The following MLH3 variants were observed in gnomAD, a reference collection of about 807,000 sequenced individuals.
The protein encoded by MLH3 is mutL homolog 3, also known as DNA mismatch repair protein Mlh3.
In MLH3, 82 loss-of-function variants were observed where a neutral mutation model predicts 122.2. The ratio of observed to expected loss-of-function variants is 0.67; its 90% CI spans 0.56 to 0.81. The LOEUF is 0.81. Ranked by LOEUF, MLH3 falls within the 30% of genes least tolerant of loss-of-function variation. The probability of loss-of-function intolerance (pLI) is 0.00; values close to 1 mark genes in which losing one functional copy is unlikely to be tolerated. For missense variants in MLH3, 1,539 were observed against 1,714.5 expected (o/e 0.90, Z 1.81); for synonymous variants, 524 against 599.5 (o/e 0.87, Z 1.84).
chr14:75,024,086 T>C (rs971795528), intron 9 of MLH3, among the ~76,000 whole-genome samples: 6 of 152,228 alleles, frequency 3.9e-5, no homozygotes, highest in Non-Finnish European at 8.8e-5. Flanking sequence ...AACATCTGTT[T>C]GTAAGCTTAG....
chr14:75,032,251 G>T (rs765970085), intron 7 of MLH3, 72 bp from the exon 8 acceptor site: 3 of 891,746 alleles, frequency 3.4e-6, no homozygotes, highest in South Asian at 1.3e-5. Flanking sequence ...AATAAAGCAC[G>T]GCCTTGAGAT....
At chr14:75,031,302 T>C (rs1891032390) in intron 8 of MLH3, among the ~76,000 whole-genome samples, 1 of 152,232 alleles carries the variant, frequency 6.6e-6, no homozygotes, top group African/African-American at 2.4e-5. Context: ...TACATCCCAA[T>C]GTTTTACTTT....
In MLH3 at chr14:75,048,831, T is replaced by G. The variant is rs1040135404; in HGVS notation, c.825A>C (p.Glu275Asp). Residue 275 changes from glutamate (E) to aspartate (D), a missense_variant, in exon 2 of 13, where the codon GAA (glutamate) becomes GAC (aspartate). Coordinates refer to ENST00000355774, the MANE Select transcript of MLH3 (RefSeq NM_001040108.2). ...HKLIDFLLRK[E>D]SIICKPKNGP... ...CATTCTTTGGCTTGCATATAATACT[T>G]TCTTTCCTTAATAAAAAGTCAATGA... 2 of 1,614,040 alleles carry G rather than the reference T, an allele frequency of 1.2e-6. No individual in the cohort carries two copies. The highest frequency in any genetic ancestry group is 2.7e-5 in the African/African-American group (2 of 74,914).
intron 7 of MLH3, among the ~76,000 whole-genome samples, chr14:75,032,626 T>A (rs1224915414): frequency 6.6e-6 from 1 of 151,924 alleles, no homozygotes; most frequent in Non-Finnish European, 1.5e-5. Context: ...TAACACTGTT[T>A]TTACTATATC....
At position 75,048,496 on chromosome 14, in the gene MLH3, C is replaced by T. The variant is rs1464412050; in HGVS notation, c.1160G>A (p.Arg387Lys). ...TLQKRVTSDE[R>K]SNFQEACNNI... ...ATTACATGCTTCCTGGAAATTGCTCCTCTCATCGGAAGTCACACGCTTCTG... is the reference window on the plus strand; with the variant it reads ...ATTACATGCTTCCTGGAAATTGCTCTTCTCATCGGAAGTCACACGCTTCTG... The change falls in exon 2 of 13, where the codon AGG becomes AAG. Residue 387 changes from arginine to lysine, a missense_variant. By Grantham distance (26) the Arg-to-Lys change is conservative. Transcript: ENST00000355774. The T allele has an allele frequency of 1.2e-6, 2 of 1,613,100 alleles. No homozygotes were observed. The highest frequency in any genetic ancestry group is 2.2e-5 in the East Asian group (1 of 44,878).
At chr14:75,045,710 G>A (rs1353835593) in intron 2 of MLH3, among the ~76,000 whole-genome samples, 1 of 152,156 alleles carries the variant, frequency 6.6e-6, no homozygotes, top group African/African-American at 2.4e-5. Context: ...AGGTAGGAAA[G>A]TACTGTGGAT....
At chr14:75,034,879 A>G (rs1891286877) in intron 6 of MLH3, among the ~76,000 whole-genome samples, 1 of 151,960 alleles carries the variant, frequency 6.6e-6, no homozygotes, top group South Asian at 2.1e-4. Context: ...GCTGACCAAC[A>G]TGGTGAAACC....
In MLH3 at chr14:75,046,539, C is replaced by T. The variant is rs752980464; in HGVS notation, c.3117G>A (p.Thr1039=). 41 of 1,614,068 alleles carry T rather than the reference C, an allele frequency of 2.5e-5. No homozygotes were observed. In the African/African-American group the frequency reaches 3.6e-4, roughly 14 times the overall value. Residue 1039 remains threonine, a synonymous_variant, in exon 2 of 13, where the codon ACG becomes ACA. Transcript: ENST00000355774. ...AATGCCGCTGCCAATCTGAACAACA[C>T]GTGTTTGACTCTTCAGTTTCAGAAC... ...RACSETEESN[T]CCSDWQRHFD...
chr14:75,033,097 T>G (rs1470700386), intron 7 of MLH3, among the ~76,000 whole-genome samples: 2 of 152,002 alleles, frequency 1.3e-5, no homozygotes, highest in Non-Finnish European at 2.9e-5. Context: ...TGGGAAGGCA[T>G]GCCAAGATCA....
At position 75,048,398 on chromosome 14, in the gene MLH3, C is replaced by T. The variant is rs28756982; in HGVS notation, c.1258G>A (p.Val420Ile). ...GAATCCCTAGAACTCTGTGTGTTTA[C>T]GTTTTCTGCAGTAGTTTTTCTTTTC... is the stretch of plus-strand genomic sequence containing the variant. ...AVKRKTTAEN[V>I]NTQSSRDSEA... The change falls in exon 2 of 13, where the codon GTA becomes ATA. Residue 420 changes from valine to isoleucine, a missense_variant. By Grantham distance (29) the Val-to-Ile change is conservative. Coordinates refer to ENST00000355774, the MANE Select transcript of MLH3 (RefSeq NM_001040108.2). The T allele has an allele frequency of 0.014, 21,985 of 1,609,024 alleles. 181 individuals carry two copies. The highest frequency in any genetic ancestry group is 0.016 in the Non-Finnish European group (18,444 of 1,178,214).
At chr14:75,033,065 C>T (rs1343475881) in intron 7 of MLH3, among the ~76,000 whole-genome samples, 2 of 151,974 alleles carry the variant, frequency 1.3e-5, no homozygotes, top group Non-Finnish European at 2.9e-5. Flanking sequence ...TGAGCTGCCA[C>T]TGGTCTCTGC....
rs1889862479 is a variant in MLH3, at chr14:75,015,958, A to AT, written c.*1123dup. The AT allele has an allele frequency of 4.3e-6, 1 of 231,886 alleles. No homozygotes were observed. Among genetic ancestry groups the AT allele is most frequent in the African/African-American group, 2.2e-5 (1 of 45,280 alleles). 14.4% of individuals were successfully genotyped at this position (231,886 alleles called of 1,614,324 possible). Reference sequence around the variant, plus strand: ...CAAAAGTAGAAATTCTCATTGCATCATCTTACTAATTGTATAGCACCCCAG... The same window carrying AT: ...CAAAAGTAGAAATTCTCATTGCATCATTCTTACTAATTGTATAGCACCCCAG... On this transcript the variant is annotated 3_prime_UTR_variant, in exon 13 of 13. Transcript: ENST00000355774.
rs554385170 is a variant in MLH3, at chr14:75,048,156, C to T, written c.1500G>A (p.Pro500=). 120 of 1,613,998 alleles carry T rather than the reference C, an allele frequency of 7.4e-5. No individual in the cohort carries two copies. The Admixed American group carries it at 1.1e-3, about 15-fold the overall frequency. Residue 500 remains proline, a synonymous_variant, in exon 2 of 13, where the codon CCG becomes CCA. Transcript: ENST00000355774. ...SFLEHSSLEN[P]CGTSLEMFLS... ...AAAACATTTCTAAACTGGTTCCACA[C>T]GGATTTTCTAAAGAGCTATGTTCCA...
Position 75,016,094 on chromosome 14 carries a change from T to C in MLH3, c.*988A>G. The stretch of plus-strand genomic sequence containing the variant: ...TGTGAAAAGGTGCGGGAAAAATAGA[T>C]TGAGAATGGCATAACAAGCATTTGC... On this transcript the variant is annotated 3_prime_UTR_variant, in exon 13 of 13. Coordinates refer to ENST00000355774, the MANE Select transcript of MLH3 (RefSeq NM_001040108.2). 4.4e-6 allele frequency: 1 copy of C among 226,050 alleles called. No individual in the cohort carries two copies. Among genetic ancestry groups the C allele is most frequent in the East Asian group, 6.4e-5 (1 of 15,590 alleles). 14.0% of individuals were successfully genotyped at this position (226,050 alleles called of 1,614,324 possible).
chr14:75,029,607 C>T (rs188844651), intron 9 of MLH3, among the ~76,000 whole-genome samples: 16 of 152,002 alleles, frequency 1.1e-4, no homozygotes, highest in Non-Finnish European at 2.2e-4. Context: ...GCAATCTTGG[C>T]TCAATGCAAC....
chr14:75,017,540 C>CA (rs569623498), intron 12 of MLH3, among the ~76,000 whole-genome samples: 349 of 138,874 alleles, frequency 2.5e-3, no homozygotes, highest in Non-Finnish European at 3.9e-3. Context: ...GACTCCGTCT[C>CA]AAAAAAAAAA....
chr14:75,033,312 A>C (rs2139411275), intron 7 of MLH3, 107 bp downstream of exon 7: 1 of 852,306 alleles, frequency 1.2e-6, no homozygotes, highest in East Asian at 2.5e-5. Flanking sequence ...TTGAACATAC[A>C]GTACAAAGTG....
rs1892526930 is a variant in MLH3, at chr14:75,049,558, CT to C, written c.97del (p.Ser33ValfsTer13). The C allele has an allele frequency of 6.2e-7, 1 of 1,614,118 alleles. No homozygotes were observed. Among genetic ancestry groups the C allele is most frequent in the African/African-American group, 1.3e-5 (1 of 74,922 alleles). ...GQCVEELALNSIDAEAKCVAV... is the reference protein window; with the variant it reads ...GQCVEELALNXIDAEAKCVAV... ...CACACATTTTGCTTCAGCATCAATA[CT>C]GTTGAGGGCAAGTTCCTCAACACAT... On this transcript the variant is annotated frameshift_variant, in exon 2 of 13. Coordinates refer to ENST00000355774, the MANE Select transcript of MLH3 (RefSeq NM_001040108.2). LOFTEE classifies it high-confidence loss of function.
intron 9 of MLH3, 138 bp downstream of exon 9, chr14:75,030,405 G>T: frequency 2.2e-6 from 2 of 897,904 alleles, no homozygotes; most frequent in South Asian, 2.7e-5. Context: ...ACTCATCTCT[G>T]AATTTCTAGC....
Sources: allele counts gnomAD v4.1 joint callset (sites outside exome capture counted in the v4.1 genomes callset), GRCh38; gene constraint gnomAD v4.1.1; transcripts MANE v1.5; gene names NCBI Gene and HGNC (gene_info 2026-07-23, HGNC 2026-07-21).